Variants in GPR158 observed in about 807,000 individuals in gnomAD.
GPR158 encodes metabotropic glycine receptor.
A neutral mutation model predicts 78.2 loss-of-function variants in GPR158; 30 were observed. The observed-to-expected ratio is 0.38, with a 90% CI of 0.29 to 0.52. GPR158 has a LOEUF of 0.52. Among genes scored for constraint, GPR158 ranks in the 20% least tolerant of loss-of-function variants. The probability of loss-of-function intolerance (pLI) is 0.83; values close to 1 mark genes in which losing one functional copy is unlikely to be tolerated. For missense variants in GPR158, 1,463 were observed against 1,523.5 expected (o/e 0.96, Z 0.66); for synonymous variants, 581 against 591.1 (o/e 0.98, Z 0.25).
rs10828833 is a variant in GPR158, at chr10:25,599,251, A to G, written c.3625A>G (p.Ile1209Val). The G allele has an allele frequency of 0.47, 755,859 of 1,609,174 alleles. 188,620 individuals carry two copies. Among genetic ancestry groups the G allele is most frequent in the African/African-American group, 0.9 (67,115 of 74,928 alleles). ...NKIAGPRKEEIWDSFKV is the reference protein window; with the variant it reads ...NKIAGPRKEEVWDSFKV ...GATAGCAGGGCCTAGGAAAGAAGAG[A>G]TCTGGGATAGTTTTAAAGTGTAGCA... is the stretch of plus-strand genomic sequence containing the variant. The change falls in exon 11 of 11, where the codon ATC becomes GTC. Residue 1209 changes from isoleucine to valine, a missense_variant. Physicochemically the swap from Ile to Val is conservative, Grantham distance 29. Transcript: ENST00000376351.
chr10:25,207,248 GC>G, intron 1 of GPR158, among the ~76,000 whole-genome samples: 1 of 152,204 alleles, frequency 6.6e-6, no homozygotes, highest in Non-Finnish European at 1.5e-5. Context: ...GAAGCTCAGG[GC>G]CCATGGCAGA....
At chr10:25,308,458 C>G (rs1217238640) in intron 2 of GPR158, among the ~76,000 whole-genome samples, 1 of 152,052 alleles carries the variant, frequency 6.6e-6, no homozygotes, top group Non-Finnish European at 1.5e-5. Flanking sequence ...TGGTTATGAG[C>G]CATTACTCTA....
intron 4 of GPR158, among the ~76,000 whole-genome samples, chr10:25,435,623 A>G (rs1834988338): frequency 6.6e-6 from 1 of 152,200 alleles, no homozygotes; most frequent in Non-Finnish European, 1.5e-5. Flanking sequence ...CCTACAGGAC[A>G]TGGTCAAGTT....
intron 1 of GPR158, among the ~76,000 whole-genome samples, chr10:25,205,077 G>A (rs1853003741): frequency 6.6e-6 from 1 of 151,878 alleles, no homozygotes. Context: ...TCTCTCTCTT[G>A]CCTGCCACCA....
In GPR158 at chr10:25,429,371, CA is replaced by C. The variant is rs202046445; in HGVS notation, c.1335+16900del. Among the ~76,000 whole-genome samples, 1,377 of 152,168 alleles carry C rather than the reference CA, an allele frequency of 9.0e-3. 8 individuals carry two copies. Among genetic ancestry groups the C allele is most frequent in the Admixed American group, 0.027 (410 of 15,272 alleles). ...AATATATGGCCTCCATGCAAGCACA[CA>C]ACACATACCTCCATGTATTTTGTCA... On this transcript the variant is annotated intron_variant, in intron 4 of 10. Transcript: ENST00000376351.
chr10:25,502,956 CT>C (rs1835961663), intron 5 of GPR158, among the ~76,000 whole-genome samples: 1 of 152,146 alleles, frequency 6.6e-6, no homozygotes, highest in African/African-American at 2.4e-5. Context: ...TTATATAGTG[CT>C]ATCAAAAAGG....
At chr10:25,482,113 C>T (rs1238031664) in intron 5 of GPR158, among the ~76,000 whole-genome samples, 3 of 152,088 alleles carry the variant, frequency 2.0e-5, no homozygotes, top group African/African-American at 7.2e-5. Context: ...CTAAATCTCC[C>T]ACCAATCTGG....
At chr10:25,525,576 G>C (rs981250555) in intron 5 of GPR158, among the ~76,000 whole-genome samples, 1 of 152,158 alleles carries the variant, frequency 6.6e-6, no homozygotes, top group Non-Finnish European at 1.5e-5. Context: ...ACCATGGATT[G>C]CATGATTCCA....
At chr10:25,232,526 AT>A (rs757837466) in intron 2 of GPR158, among the ~76,000 whole-genome samples, 3 of 152,110 alleles carry the variant, frequency 2.0e-5, no homozygotes, top group African/African-American at 4.8e-5. Flanking sequence ...CTGTTCCCTG[AT>A]ATCTTCTTTT....
intron 7 of GPR158, among the ~76,000 whole-genome samples, chr10:25,583,227 T>C (rs1384106058): frequency 6.6e-6 from 1 of 152,086 alleles, no homozygotes; most frequent in African/African-American, 2.4e-5. Context: ...TTCTGTATCC[T>C]TCTCTATCTC....
chr10:25,596,605 T>C (rs2130754540), intron 9 of GPR158, 38 bp from the exon 10 acceptor site: 1 of 1,556,808 alleles, frequency 6.4e-7, no homozygotes, highest in South Asian at 1.1e-5. Context: ...TGCGTTACAG[T>C]GAGCTAATGT....
intron 4 of GPR158, among the ~76,000 whole-genome samples, chr10:25,455,143 A>G (rs562555669): frequency 6.6e-6 from 1 of 152,306 alleles, no homozygotes; most frequent in Non-Finnish European, 1.5e-5. Flanking sequence ...AGCAGGTTGG[A>G]AAAATTTAGT....
intron 2 of GPR158, among the ~76,000 whole-genome samples, chr10:25,341,884 A>T (rs1855308015): frequency 6.6e-6 from 1 of 151,888 alleles, no homozygotes; most frequent in African/African-American, 2.4e-5. Flanking sequence ...AAAATCTAAG[A>T]ATATGAAGGA....
At chr10:25,286,514 A>G (rs1854352888) in intron 2 of GPR158, among the ~76,000 whole-genome samples, 1 of 151,930 alleles carries the variant, frequency 6.6e-6, no homozygotes, top group Non-Finnish European at 1.5e-5. Flanking sequence ...AGCACCTTTA[A>G]CATATCAAAA....
At chr10:25,542,408 C>T (rs761253517) in intron 5 of GPR158, among the ~76,000 whole-genome samples, 20 of 152,186 alleles carry the variant, frequency 1.3e-4, no homozygotes, top group Non-Finnish European at 2.2e-4. Context: ...ATCATTGTAC[C>T]TTGTCAGCAT....
chr10:25,332,451 C>G (rs932797829), intron 2 of GPR158, among the ~76,000 whole-genome samples: 12 of 152,074 alleles, frequency 7.9e-5, no homozygotes, highest in Non-Finnish European at 1.8e-4. Flanking sequence ...TAAAATTTTA[C>G]TTAGACATCC....
intron 2 of GPR158, among the ~76,000 whole-genome samples, chr10:25,361,945 G>T (rs893260743): frequency 6.6e-6 from 1 of 151,822 alleles, no homozygotes; most frequent in Non-Finnish European, 1.5e-5. Flanking sequence ...TCACTCTGTT[G>T]TGTCCTTCAG....
chr10:25,421,852 A>G (rs1588855322), intron 4 of GPR158, among the ~76,000 whole-genome samples: 1 of 152,198 alleles, frequency 6.6e-6, no homozygotes, highest in Non-Finnish European at 1.5e-5. Flanking sequence ...AATTTTCAAT[A>G]AGAGCAACCA....
chr10:25,208,820 C>T lies in GPR158; in HGVS notation c.903-12232C>T, dbSNP rs200751300. Among the ~76,000 whole-genome samples, 17 of 151,116 alleles carry T rather than the reference C, an allele frequency of 1.1e-4. No homozygotes were observed. The East Asian group carries it at 2.9e-3, about 26-fold the overall frequency. On this transcript the variant is annotated intron_variant, in intron 1 of 10. Transcript: ENST00000376351. Reference sequence around the variant, plus strand: ...GGAGACTGTACAGGAGAGCAGGTCACTTCCTGTTTTTTTCTTTCTTTCTTT... The same window carrying T: ...GGAGACTGTACAGGAGAGCAGGTCATTTCCTGTTTTTTTCTTTCTTTCTTT...
Sources: gnomAD v4.1 joint callset for allele counts (sites outside exome capture counted in the v4.1 genomes callset) on GRCh38, gnomAD v4.1.1 for gene constraint, MANE v1.5 for transcripts, NCBI Gene and HGNC (gene_info 2026-07-23, HGNC 2026-07-21) for gene names.